The following FIRRM variants were observed in gnomAD, a reference collection of about 807,000 sequenced individuals.
The protein encoded by FIRRM is FIGNL1 interacting regulator of recombination and mitosis.
chr1:169,811,836 A>T, the FIRRM span, among the ~76,000 whole-genome samples: 5 of 149,588 alleles, frequency 3.3e-5, no homozygotes, highest in Non-Finnish European at 7.4e-5. Context: ...TAAATAGATA[A>T]TAGATTATCT....
the FIRRM span, chr1:169,807,908 G>A: frequency 1.2e-6 from 2 of 1,606,408 alleles, no homozygotes; most frequent in African/African-American, 2.7e-5. Flanking sequence ...TAGCTGAGCA[G>A]ATGACACAGT....
chr1:169,838,716 C>T, the FIRRM span, among the ~76,000 whole-genome samples: 2 of 152,136 alleles, frequency 1.3e-5, no homozygotes, highest in Non-Finnish European at 2.9e-5. Context: ...TCTCGAACTC[C>T]TGACCTCAGG....
chr1:169,837,124 A>G, the FIRRM span: 1 of 1,564,214 alleles, frequency 6.4e-7, no homozygotes, highest in East Asian at 2.3e-5. Context: ...TAAGATAATA[A>G]TTTTGATTTA....
At chr1:169,828,771 C>T in the FIRRM span, among the ~76,000 whole-genome samples, 2 of 152,176 alleles carry the variant, frequency 1.3e-5, no homozygotes, top group Non-Finnish European at 2.9e-5. Context: ...TCTTCCAACT[C>T]CTGGGCTCAA....
the FIRRM span, among the ~76,000 whole-genome samples, chr1:169,789,498 T>A: frequency 1.3e-5 from 2 of 152,156 alleles, no homozygotes; most frequent in Non-Finnish European, 2.9e-5. Flanking sequence ...ACGTCGTCTG[T>A]GGGACATGAA....
the FIRRM span, among the ~76,000 whole-genome samples, chr1:169,832,920 T>A: frequency 6.6e-6 from 1 of 152,204 alleles, no homozygotes; most frequent in Non-Finnish European, 1.5e-5. Flanking sequence ...CCATTTATTT[T>A]AAATTTAAAT....
the FIRRM span, among the ~76,000 whole-genome samples, chr1:169,798,306 C>T: frequency 3.3e-5 from 5 of 150,588 alleles, no homozygotes; most frequent in East Asian, 1.9e-4. Context: ...GACGGAGTCT[C>T]GCCTATGCTG....
the FIRRM span, among the ~76,000 whole-genome samples, chr1:169,806,930 C>A: frequency 6.6e-6 from 1 of 152,228 alleles, no homozygotes; most frequent in Non-Finnish European, 1.5e-5. Context: ...GTGCATGACA[C>A]ATAGTTAATA....
the FIRRM span, among the ~76,000 whole-genome samples, chr1:169,833,706 C>T: frequency 3.9e-5 from 6 of 152,108 alleles, no homozygotes; most frequent in Non-Finnish European, 5.9e-5. Flanking sequence ...GCCTTCTTTT[C>T]GTAGCCCCAC....
the FIRRM span, among the ~76,000 whole-genome samples, chr1:169,821,190 T>C: frequency 6.6e-6 from 1 of 152,188 alleles, no homozygotes; most frequent in South Asian, 2.1e-4. Flanking sequence ...ACCTCCCCCT[T>C]CCCGAAATAT....
At chr1:169,838,270 A>G in the FIRRM span, among the ~76,000 whole-genome samples, 1 of 152,006 alleles carries the variant, frequency 6.6e-6, no homozygotes, top group East Asian at 1.9e-4. Flanking sequence ...ATGTGACTTT[A>G]TTTTAGAAAA....
At chr1:169,787,437 C>T in the FIRRM span, among the ~76,000 whole-genome samples, 1 of 152,188 alleles carries the variant, frequency 6.6e-6, no homozygotes, top group Admixed American at 6.5e-5. Flanking sequence ...TAGTGTCTGG[C>T]TTGTCTTCAG....
chr1:169,853,046 G>A, the FIRRM span: 2 of 1,536,842 alleles, frequency 1.3e-6, no homozygotes, highest in South Asian at 2.3e-5. Flanking sequence ...ACTTATGTCT[G>A]TACATTTTCT....
the FIRRM span, among the ~76,000 whole-genome samples, chr1:169,814,904 G>C: frequency 6.6e-6 from 1 of 152,022 alleles, no homozygotes; most frequent in Non-Finnish European, 1.5e-5. Context: ...CTGTATTTAG[G>C]TGTTCTCCAC....
At chr1:169,828,151 A>G in the FIRRM span, among the ~76,000 whole-genome samples, 1 of 152,202 alleles carries the variant, frequency 6.6e-6, no homozygotes, top group Admixed American at 6.5e-5. Flanking sequence ...GCTCTGATAA[A>G]TAGAACACTA....
chr1:169,805,906 C>A, the FIRRM span: 1 of 693,284 alleles, frequency 1.4e-6, no homozygotes, highest in South Asian at 1.7e-5. Context: ...TTAATTCAAT[C>A]AAATGTTGAA....
chr1:169,844,086 C>T, the FIRRM span, among the ~76,000 whole-genome samples: 1 of 152,316 alleles, frequency 6.6e-6, no homozygotes, highest in East Asian at 1.9e-4. Context: ...ACCCTGCATT[C>T]ATAGCAGTTT....
At chr1:169,826,126 G>A in the FIRRM span, 1 of 296,300 alleles carries the variant, frequency 3.4e-6, no homozygotes, top group Admixed American at 3.2e-5. Flanking sequence ...AGGCTGGAGT[G>A]CAATGGCGAA....
chr1:169,843,414 ATTTCAGTCACAGCTCTGCT>A, the FIRRM span, among the ~76,000 whole-genome samples: 2 of 152,192 alleles, frequency 1.3e-5, no homozygotes, highest in African/African-American at 4.8e-5. Flanking sequence ...TTAAATTTGG[ATTTCAGTCACAGCTCTGCT>A]TTTTGTCCTA....
Sources: allele counts gnomAD v4.1 joint callset (sites outside exome capture counted in the v4.1 genomes callset), GRCh38; gene constraint gnomAD v4.1.1; transcripts MANE v1.5; gene names NCBI Gene and HGNC (gene_info 2026-07-23, HGNC 2026-07-21).